EMC2: variants seen among roughly 807,000 people sequenced by gnomAD.
The protein encoded by EMC2 is TPR repeat protein 35.
A neutral mutation model predicts 51.6 loss-of-function variants in EMC2; 37 were observed. The observed-to-expected ratio is 0.72, with a 90% confidence interval of 0.55 to 0.94. The LOEUF (loss-of-function observed/expected upper bound fraction) is 0.94. Among genes scored for constraint, EMC2 ranks in the 40% least tolerant of loss-of-function variants. The pLI is 0.00. For missense variants in EMC2, 359 were observed against 350.9 expected, an observed-to-expected ratio of 1.02 and a Z score of -0.18; for synonymous variants, 131 against 112.4, an observed-to-expected ratio of 1.17 and a Z score of -1.04.
chr8:108,476,475 T>C (rs1810948123), intron 8 of EMC2, among the ~76,000 whole-genome samples: 1 of 151,876 alleles, frequency 6.6e-6, no homozygotes, highest in Non-Finnish European at 1.5e-5. Flanking sequence ...GAAAATACAA[T>C]GTGAGGTGAA....
intron 5 of EMC2, among the ~76,000 whole-genome samples, chr8:108,463,881 C>A (rs1449286751): frequency 6.6e-6 from 1 of 152,094 alleles, no homozygotes; most frequent in Non-Finnish European, 1.5e-5. Context: ...TAACATGCCT[C>A]ACACAGGAAT....
intron 5 of EMC2, among the ~76,000 whole-genome samples, chr8:108,462,955 T>G (rs1465566409): frequency 1.3e-5 from 2 of 152,162 alleles, no homozygotes; most frequent in African/African-American, 4.8e-5. Context: ...CCTTTTACGC[T>G]TTTTTCAAAT....
intron 5 of EMC2, among the ~76,000 whole-genome samples, chr8:108,464,578 C>CA (rs1402729151): frequency 6.6e-6 from 1 of 152,228 alleles, no homozygotes; most frequent in Admixed American, 6.5e-5. Flanking sequence ...TGGATACCCC[C>CA]AGGGGTTGGT....
intron 10 of EMC2, 151 bp downstream of exon 10, chr8:108,479,261 T>A: frequency 2.5e-6 from 1 of 395,520 alleles, no homozygotes. Context: ...TAATTTGTAG[T>A]TTTAAGATTA....
chr8:108,481,119 G>A (rs535192856), intron 10 of EMC2, among the ~76,000 whole-genome samples: 17 of 152,054 alleles, frequency 1.1e-4, no homozygotes, highest in Non-Finnish European at 1.9e-4. Context: ...TTGGAAAATT[G>A]ACTGTTACCT....
chr8:108,468,796 CATAA>C (rs138598365), intron 5 of EMC2, among the ~76,000 whole-genome samples: 348 of 152,306 alleles, frequency 2.3e-3, no homozygotes, highest in African/African-American at 7.8e-3. Context: ...TTGAAGCAAA[CATAA>C]ATAGAGAGGA....
intron 5 of EMC2, among the ~76,000 whole-genome samples, chr8:108,460,152 T>C (rs1472822501): frequency 6.6e-6 from 1 of 152,240 alleles, no homozygotes; most frequent in Non-Finnish European, 1.5e-5. Context: ...CTGAATTTTA[T>C]ATTTCTCATC....
In EMC2 at chr8:108,486,872, GT is replaced by G; in HGVS notation, c.*275del. On this transcript the variant is annotated 3_prime_UTR_variant, in exon 11 of 11. Transcript: ENST00000220853. ...ACATGTATATATATAAAACTCTAATGTAGTATAACCTTGTTAAATAAACCAT... is the reference window on the plus strand; with the variant it reads ...ACATGTATATATATAAAACTCTAATGAGTATAACCTTGTTAAATAAACCAT... The G allele has an allele frequency of 4.1e-6, 1 of 246,812 alleles. No homozygotes were observed. Among genetic ancestry groups the G allele is most frequent in the Non-Finnish European group, 7.6e-6 (1 of 131,438 alleles). 15.3% of individuals were successfully genotyped at this position (246,812 alleles called of 1,614,324 possible).
chr8:108,447,549 C>T (rs1001866039), intron 1 of EMC2, among the ~76,000 whole-genome samples: 1 of 152,056 alleles, frequency 6.6e-6, no homozygotes. Flanking sequence ...GGAAAAGATA[C>T]AGGATTGGAG....
rs1472914780 is a variant in EMC2 at position 108,486,746 on chromosome 8, C to T, written c.*148C>T. On this transcript the variant is annotated 3_prime_UTR_variant, in exon 11 of 11. Transcript: ENST00000220853. Reference sequence around the variant, plus strand: ...GTTGTAAAGAATGTGTTTATATAAACCTAAAAATGCCTTTTACTGCTAAGT... The same window carrying T: ...GTTGTAAAGAATGTGTTTATATAAATCTAAAAATGCCTTTTACTGCTAAGT... The T allele has an allele frequency of 1.3e-6, 1 of 741,796 alleles. No homozygotes were observed. Among genetic ancestry groups the T allele is most frequent in the Non-Finnish European group, 2.0e-6 (1 of 505,764 alleles). The allele number at this position is 741,796 out of a possible 1,614,324, so 46.0% of individuals were successfully genotyped here.
In EMC2 at chr8:108,477,903, C is replaced by G. The variant is rs188775474; in HGVS notation, c.702+1011C>G. Among the ~76,000 whole-genome samples, 44 of 152,128 alleles carry G rather than the reference C, an allele frequency of 2.9e-4. No individual in the cohort carries two copies. In the East Asian group the frequency reaches 8.3e-3, roughly 29 times the overall value. ...TTTGAGTAGGTGCTCTCAATACTAT[C>G]CTCAGGTGGTGAAACTGAGACACAG... On this transcript the variant is annotated intron_variant, in intron 9 of 10. Coordinates refer to ENST00000220853, the MANE Select transcript of EMC2 (RefSeq NM_014673.5).
chr8:108,449,882 G>C lies in EMC2; in HGVS notation c.100G>C (p.Val34Leu), dbSNP rs757085834. Residue 34 changes from valine to leucine, a missense_variant, in exon 2 of 11, where the codon GTG becomes CTG. Val to Leu is a conservative substitution (Grantham distance 32). Coordinates refer to ENST00000220853, the MANE Select transcript of EMC2 (RefSeq NM_014673.5). ...AAACTCAAGAAATAGTGAGCAAATT[G>C]TGGAAGTTGGAGAAGAATTAATTAA... is the stretch of plus-strand genomic sequence containing the variant. ...EENSRNSEQI[V>L]EVGEELINEY... The C allele has an allele frequency of 9.4e-6, 15 of 1,597,632 alleles. No homozygotes were observed. The highest frequency in any genetic ancestry group is 1.2e-5 in the Non-Finnish European group (14 of 1,166,628).
chr8:108,462,213 T>TTGTGTGCGTGTGTGTG (rs756130562), intron 5 of EMC2, among the ~76,000 whole-genome samples: 64 of 122,574 alleles, frequency 5.2e-4, no homozygotes, highest in East Asian at 2.4e-3. Context: ...TGTGTGTGTT[T>TTGTGTGCGTGTGTGTG]TGTGTGCGTG....
In EMC2 at chr8:108,463,287, G is replaced by T. The variant is rs17427792; in HGVS notation, c.364-6539G>T. On this transcript the variant is annotated intron_variant, in intron 5 of 10. Transcript: ENST00000220853. ...AAAGTAATTTGGAGGCTGTTCTTAG[G>T]CTAGAGATTATGGGAATCTAAAACT... Among the ~76,000 whole-genome samples, 165 of 152,284 alleles carry T rather than the reference G, an allele frequency of 1.1e-3. 1 individual carries two copies. The highest frequency in any genetic ancestry group is 3.8e-3 in the African/African-American group (156 of 41,548).
At chr8:108,464,106 TC>T (rs1352236367) in intron 5 of EMC2, 1 of 152,200 alleles carries the variant, frequency 6.6e-6, no homozygotes, top group East Asian at 1.9e-4. Flanking sequence ...TGCATTTTCA[TC>T]TTTTTCATCT....
chr8:108,480,692 C>A (rs1811030141), intron 10 of EMC2, among the ~76,000 whole-genome samples: 1 of 152,056 alleles, frequency 6.6e-6, no homozygotes, highest in Non-Finnish European at 1.5e-5. Context: ...CTTTCCTCAC[C>A]CCTCCTTGTC....
At chr8:108,453,748 T>C (rs917473636) in intron 4 of EMC2, among the ~76,000 whole-genome samples, 7 of 152,166 alleles carry the variant, frequency 4.6e-5, no homozygotes, top group Non-Finnish European at 8.8e-5. Flanking sequence ...TAATTGATTG[T>C]GCTGTACAGT....
intron 1 of EMC2, among the ~76,000 whole-genome samples, chr8:108,448,062 A>G (rs1818922735): frequency 6.6e-6 from 1 of 152,098 alleles, no homozygotes; most frequent in Non-Finnish European, 1.5e-5. Flanking sequence ...GGTGAAAGAC[A>G]ATAGTGGTGC....
chr8:108,479,869 C>G (rs1003045734), intron 10 of EMC2, among the ~76,000 whole-genome samples: 1 of 152,116 alleles, frequency 6.6e-6, no homozygotes, highest in Non-Finnish European at 1.5e-5. Context: ...GTAGCTGGGA[C>G]TTCAGGTGCA....
Sources: allele counts gnomAD v4.1 joint callset (sites outside exome capture counted in the v4.1 genomes callset), GRCh38; gene constraint gnomAD v4.1.1; transcripts MANE v1.5; gene names NCBI Gene and HGNC (gene_info 2026-07-23, HGNC 2026-07-21).